SPRED2: variants seen among roughly 807,000 people sequenced by gnomAD.
SPRED2 encodes sprouty related EVH1 domain containing 2, also known as sprouty-related, EVH1 domain-containing protein 2.
SPRED2 carries 47 observed loss-of-function variants against 43.0 expected under a neutral mutation model. The observed-to-expected ratio is 1.09, with a 90% CI of 0.87 to 1.40. The LOEUF (loss-of-function observed/expected upper bound fraction) is 1.40. Ranked by LOEUF, SPRED2 falls within the 40% of genes most tolerant of loss-of-function variation. The pLI, the probability that SPRED2 is intolerant of heterozygous loss-of-function variation, is 0.00. For missense variants in SPRED2, 561 were observed against 586.4 expected, an observed-to-expected ratio of 0.96 and a Z score of 0.45; for synonymous variants, 225 against 225.7, an observed-to-expected ratio of 1.00 and a Z score of 0.03.
intron 1 of SPRED2, among the ~76,000 whole-genome samples, chr2:65,355,603 A>T (rs908674949): frequency 6.6e-6 from 1 of 152,132 alleles, no homozygotes; most frequent in African/African-American, 2.4e-5. Flanking sequence ...CTGTAAACCC[A>T]GCTACTCAGG....
intron 1 of SPRED2, among the ~76,000 whole-genome samples, chr2:65,403,276 C>A (rs1675947579): frequency 6.6e-6 from 1 of 152,136 alleles, no homozygotes; most frequent in Admixed American, 6.5e-5. Context: ...AGATAGACAT[C>A]CATTTCCTTT....
intron 1 of SPRED2, among the ~76,000 whole-genome samples, chr2:65,387,800 TTTC>T (rs1190427375): frequency 1.4e-5 from 2 of 145,966 alleles, no homozygotes. Flanking sequence ...TTCTTTTCTT[TTTC>T]TTTTTTTTTT....
intron 1 of SPRED2, among the ~76,000 whole-genome samples, chr2:65,359,423 G>GA (rs35288733): frequency 0.18 from 27,461 of 152,056 alleles, 2,653 homozygotes; most frequent in Non-Finnish European, 0.2. Context: ...GATTCAGAAA[G>GA]AACTCCAGGA....
chr2:65,411,618 TGTTAATTGACTTTGA>T (rs1441467498), intron 1 of SPRED2, among the ~76,000 whole-genome samples: 1 of 152,216 alleles, frequency 6.6e-6, no homozygotes, highest in Admixed American at 6.5e-5. Context: ...TCTATCTTAG[TGTTAATTGACTTTGA>T]GTTAAGTGGC....
intron 1 of SPRED2, among the ~76,000 whole-genome samples, chr2:65,345,868 T>C (rs1558661989): frequency 1.3e-5 from 2 of 152,260 alleles, no homozygotes; most frequent in East Asian, 3.8e-4. Flanking sequence ...AGACCAATTC[T>C]AGCTTCTTTT....
intron 1 of SPRED2, among the ~76,000 whole-genome samples, chr2:65,385,411 G>C (rs1484884241): frequency 6.6e-6 from 1 of 152,246 alleles, no homozygotes; most frequent in Non-Finnish European, 1.5e-5. Context: ...GAGGGCGTCT[G>C]AACAGGAACT....
At chr2:65,421,947 T>A (rs1354723235) in intron 1 of SPRED2, among the ~76,000 whole-genome samples, 1 of 152,136 alleles carries the variant, frequency 6.6e-6, no homozygotes, top group Non-Finnish European at 1.5e-5. Context: ...AAATAACAAA[T>A]CCTGCTGTGT....
At chr2:65,356,284 A>G (rs1281470941) in intron 1 of SPRED2, among the ~76,000 whole-genome samples, 1 of 152,238 alleles carries the variant, frequency 6.6e-6, no homozygotes, top group Non-Finnish European at 1.5e-5. Flanking sequence ...AGATATGTGT[A>G]TGATAAAACA....
chr2:65,361,544 A>G (rs1463475367), intron 1 of SPRED2, among the ~76,000 whole-genome samples: 1 of 152,234 alleles, frequency 6.6e-6, no homozygotes, highest in Non-Finnish European at 1.5e-5. Flanking sequence ...AATATTTTTC[A>G]TGATTAGTCC....
intron 1 of SPRED2, among the ~76,000 whole-genome samples, chr2:65,360,481 T>C (rs934208005): frequency 1.3e-5 from 2 of 152,254 alleles, no homozygotes; most frequent in African/African-American, 4.8e-5. Context: ...AATGGAATTA[T>C]TCCGCCTTAA....
At chr2:65,397,096 AT>A (rs1469263108) in intron 1 of SPRED2, among the ~76,000 whole-genome samples, 2 of 152,356 alleles carry the variant, frequency 1.3e-5, no homozygotes, top group Admixed American at 1.3e-4. Flanking sequence ...AGTCATAGCC[AT>A]CAGAAAAGGG....
chr2:65,422,116 T>A (rs144032702), intron 1 of SPRED2, among the ~76,000 whole-genome samples: 19,768 of 137,160 alleles, frequency 0.14, 1,625 homozygotes, highest in Non-Finnish European at 0.18. Context: ...TCTCTCTCTC[T>A]CTCTCTCTCT....
intron 1 of SPRED2, among the ~76,000 whole-genome samples, chr2:65,424,535 G>T (rs1676513880): frequency 1.3e-5 from 2 of 152,038 alleles, no homozygotes; most frequent in South Asian, 4.1e-4. Context: ...GCTGAGATGG[G>T]AGCACTGCTT....
At chr2:65,425,026 T>C (rs1015636018) in intron 1 of SPRED2, among the ~76,000 whole-genome samples, 5 of 152,144 alleles carry the variant, frequency 3.3e-5, no homozygotes, top group Admixed American at 6.5e-5. Context: ...ACAGTGCGTA[T>C]CTGAAAAGTC....
intron 1 of SPRED2, among the ~76,000 whole-genome samples, chr2:65,360,892 C>T (rs983904439): frequency 6.6e-6 from 1 of 152,150 alleles, no homozygotes; most frequent in Non-Finnish European, 1.5e-5. Context: ...AGGTAAAGAA[C>T]CCCAAATTTA....
chr2:65,431,235 G>A (rs7576126), intron 1 of SPRED2, among the ~76,000 whole-genome samples: 64,294 of 151,202 alleles, frequency 0.43, 14,285 homozygotes, highest in African/African-American at 0.54. Context: ...ACACACGCGC[G>A]CCCCCAGCGC....
At chr2:65,396,781 T>C (rs1439985931) in intron 1 of SPRED2, among the ~76,000 whole-genome samples, 1 of 152,232 alleles carries the variant, frequency 6.6e-6, no homozygotes, top group Non-Finnish European at 1.5e-5. Context: ...TGTTGCCATT[T>C]TAAACAAATA....
chr2:65,347,833 T>C (rs1438399888), intron 1 of SPRED2, among the ~76,000 whole-genome samples: 2 of 152,142 alleles, frequency 1.3e-5, no homozygotes, highest in African/African-American at 4.8e-5. Context: ...CTCATCCTTC[T>C]AGTTCTCTCT....
chr2:65,405,172 T>G (rs1305583086), intron 1 of SPRED2, among the ~76,000 whole-genome samples: 1 of 152,248 alleles, frequency 6.6e-6, no homozygotes, highest in Non-Finnish European at 1.5e-5. Context: ...TTAGCGTTTA[T>G]GTCACTACCC....
Sources: gnomAD v4.1 joint callset for allele counts (sites outside exome capture counted in the v4.1 genomes callset) on GRCh38, gnomAD v4.1.1 for gene constraint, MANE v1.5 for transcripts, NCBI Gene and HGNC (gene_info 2026-07-23, HGNC 2026-07-21) for gene names.